The following ERI3 variants were observed in gnomAD, a reference collection of about 807,000 sequenced individuals.
ERI3 encodes the protein ERI1 exoribonuclease 3.
ERI3 carries 18 observed loss-of-function variants against 44.4 expected under a neutral mutation model. The ratio of observed to expected loss-of-function variants is 0.41; its 90% CI spans 0.28 to 0.60. ERI3 has a LOEUF of 0.60. Among genes scored for constraint, ERI3 ranks in the 20% least tolerant of loss-of-function variants. ERI3 has a pLI of 0.36. For missense variants in ERI3, 294 were observed against 435.5 expected (o/e 0.68, Z 2.89); for synonymous variants, 183 against 164.8 (o/e 1.11, Z -0.84).
Position 44,328,557 on chromosome 1 carries a change from G to A in ERI3, c.490-8813C>T, listed in dbSNP as rs1262692236. ...GTTTCTCAGACTTCAAATGACCTGAGGAATGTGTCAGATTGCAGGTTCTAT... is the reference window on the plus strand; with the variant it reads ...GTTTCTCAGACTTCAAATGACCTGAAGAATGTGTCAGATTGCAGGTTCTAT... On this transcript the variant is annotated intron_variant, in intron 3 of 8. Transcript: ENST00000372257. Among the ~76,000 whole-genome samples, 3 of 152,062 alleles carry A rather than the reference G, an allele frequency of 2.0e-5. No individual in the cohort carries two copies. The East Asian group carries it at 5.8e-4, about 29-fold the overall frequency.
chr1:44,240,557 C>T (rs1644411676), intron 8 of ERI3, among the ~76,000 whole-genome samples: 1 of 152,192 alleles, frequency 6.6e-6, no homozygotes, highest in Non-Finnish European at 1.5e-5. Flanking sequence ...TGCTGAGCAG[C>T]AATCGGTCAT....
intron 7 of ERI3, among the ~76,000 whole-genome samples, chr1:44,283,460 C>T (rs528613045): frequency 2.3e-4 from 35 of 152,278 alleles, no homozygotes; most frequent in African/African-American, 8.4e-4. Context: ...AGAAGTGATA[C>T]CTGAGGTGAA....
chr1:44,237,753 G>A (rs1572079407), intron 8 of ERI3, among the ~76,000 whole-genome samples: 1 of 152,134 alleles, frequency 6.6e-6, no homozygotes, highest in Admixed American at 6.5e-5. Flanking sequence ...TATTCAAAGT[G>A]GCCACTTTGA....
chr1:44,251,100 T>C (rs1034774686), intron 7 of ERI3, among the ~76,000 whole-genome samples: 2 of 152,236 alleles, frequency 1.3e-5, no homozygotes, highest in African/African-American at 4.8e-5. Flanking sequence ...CAGACGCAGA[T>C]AGCTGCCCAC....
At chr1:44,309,149 T>C (rs1645901796) in intron 5 of ERI3, among the ~76,000 whole-genome samples, 1 of 152,236 alleles carries the variant, frequency 6.6e-6, no homozygotes, top group African/African-American at 2.4e-5. Flanking sequence ...TTTATTTGTG[T>C]TCACACTGGA....
At chr1:44,281,878 A>ATGTGTG (rs10574197) in intron 7 of ERI3, among the ~76,000 whole-genome samples, 7,831 of 126,872 alleles carry the variant, frequency 0.062, 310 homozygotes, top group Non-Finnish European at 0.084. Context: ...ACATGTGCAT[A>ATGTGTG]TGTGTGTGTG....
At position 44,339,117 on chromosome 1, in the gene ERI3, A is replaced by T; in HGVS notation, c.417T>A (p.Pro139=). Residue 139 remains proline (P), a synonymous_variant, in exon 3 of 9, where the codon CCT becomes CCA. Coordinates refer to ENST00000372257, the MANE Select transcript of ERI3 (RefSeq NM_024066.3). ...CTAAAAAGTAGTGATACCTCTGGGG[A>T]GGGAAGGACACCATTGCCGCCATGG... is the stretch of plus-strand genomic sequence containing the variant. The part of the protein sequence containing the change: ...GASMAAMVSF[P]PQRYHYFLVL... The T allele has an allele frequency of 6.2e-7, 1 of 1,613,936 alleles. No homozygotes were observed. The highest frequency in any genetic ancestry group is 8.5e-7 in the Non-Finnish European group (1 of 1,179,976).
At chr1:44,345,078 T>C (rs552055631) in intron 2 of ERI3, among the ~76,000 whole-genome samples, 29 of 152,344 alleles carry the variant, frequency 1.9e-4, no homozygotes, top group African/African-American at 6.7e-4. Flanking sequence ...AGGGAAATAA[T>C]ATGCCTTTAT....
intron 6 of ERI3, 54 bp downstream of exon 6, chr1:44,308,256 C>T: frequency 7.5e-7 from 1 of 1,324,826 alleles, no homozygotes; most frequent in South Asian, 1.2e-5. Flanking sequence ...AAAGGCCAGA[C>T]CTGGTCCCAC....
chr1:44,289,659 A>G (rs572551332), intron 6 of ERI3, among the ~76,000 whole-genome samples: 66 of 152,324 alleles, frequency 4.3e-4, no homozygotes, highest in African/African-American at 1.4e-3. Flanking sequence ...ATTCAGCCCT[A>G]CCACCTGCAA....
At chr1:44,255,373 C>G (rs923910767) in intron 7 of ERI3, among the ~76,000 whole-genome samples, 1 of 152,192 alleles carries the variant, frequency 6.6e-6, no homozygotes, top group Non-Finnish European at 1.5e-5. Context: ...CCCTTCTTGA[C>G]ACTCTACTCA....
chr1:44,338,921 C>T (rs1461972380), intron 3 of ERI3, 124 bp downstream of exon 3: 29 of 1,210,336 alleles, frequency 2.4e-5, no homozygotes, highest in East Asian at 2.3e-5. Flanking sequence ...TAGACAGGAA[C>T]TCTAAATGAG....
intron 3 of ERI3, among the ~76,000 whole-genome samples, chr1:44,323,670 C>T (rs779714207): frequency 1.3e-5 from 2 of 152,204 alleles, no homozygotes; most frequent in Non-Finnish European, 2.9e-5. Context: ...TTGTTTACTA[C>T]GTGGCAGATA....
intron 2 of ERI3, among the ~76,000 whole-genome samples, chr1:44,344,936 A>G (rs2154331887): frequency 6.6e-6 from 1 of 152,340 alleles, no homozygotes; most frequent in Non-Finnish European, 1.5e-5. Context: ...GATTTGGAGA[A>G]GCAGGCCTGC....
Position 44,313,159 on chromosome 1 carries a change from C to T in ERI3, c.666+10G>A, listed in dbSNP as rs369995897. ...GTCAGAGGTCAGGAATTAAAGGTCA[C>T]TCAACCTACCTCCAGCACTTGCTGC... On this transcript the variant is annotated intron_variant, in intron 5 of 8. Coordinates refer to ENST00000372257, the MANE Select transcript of ERI3 (RefSeq NM_024066.3). 3.7e-6 allele frequency: 6 copies of T among 1,613,858 alleles called. No individual in the cohort carries two copies. Among genetic ancestry groups the T allele is most frequent in the South Asian group, 1.1e-5 (1 of 91,080 alleles).
chr1:44,238,276 G>A (rs932373845), intron 8 of ERI3, among the ~76,000 whole-genome samples: 1 of 152,058 alleles, frequency 6.6e-6, no homozygotes, highest in Non-Finnish European at 1.5e-5. Flanking sequence ...AGGATGTTGT[G>A]GGGGAGACAG....
intron 6 of ERI3, among the ~76,000 whole-genome samples, chr1:44,297,804 T>C (rs907485479): frequency 3.9e-5 from 6 of 152,204 alleles, no homozygotes; most frequent in African/African-American, 1.4e-4. Flanking sequence ...CTTACAGGCA[T>C]GGAAAGTTGG....
chr1:44,344,485 G>A (rs994613451), intron 2 of ERI3, among the ~76,000 whole-genome samples: 3 of 151,966 alleles, frequency 2.0e-5, no homozygotes, highest in South Asian at 2.1e-4. Flanking sequence ...CCTACTCAAT[G>A]CCCACTTCAC....
chr1:44,319,034 A>G (rs1056016744), intron 4 of ERI3, among the ~76,000 whole-genome samples: 2 of 152,188 alleles, frequency 1.3e-5, no homozygotes, highest in Non-Finnish European at 2.9e-5. Flanking sequence ...CCAGTTTCAC[A>G]ATCTGTAAAA....
Sources: gnomAD v4.1 joint callset for allele counts (sites outside exome capture counted in the v4.1 genomes callset) on GRCh38, gnomAD v4.1.1 for gene constraint, MANE v1.5 for transcripts, NCBI Gene and HGNC (gene_info 2026-07-23, HGNC 2026-07-21) for gene names.